The following ZNF438 variants were observed in gnomAD, a reference collection of about 807,000 sequenced individuals.
The protein encoded by ZNF438 is zinc finger protein 438.
Under a neutral mutation model 38.0 loss-of-function variants are expected in ZNF438, and 25 were observed. The ratio of observed to expected loss-of-function variants is 0.66; its 90% CI spans 0.48 to 0.92. ZNF438 has a LOEUF of 0.92. ZNF438 is among the 40% of genes least tolerant of loss of function. The pLI is 0.00. For synonymous variants in ZNF438, 372 were observed against 364.1 expected (o/e 1.02, Z -0.25); for missense variants, 1,007 against 999.6 (o/e 1.01, Z -0.10).
At chr10:30,854,105 G>A (rs1380361060) in intron 4 of ZNF438, among the ~76,000 whole-genome samples, 1 of 152,166 alleles carries the variant, frequency 6.6e-6, no homozygotes, top group Non-Finnish European at 1.5e-5. Flanking sequence ...GGATGACAAG[G>A]TCAGCAGATC....
At chr10:31,011,566 G>A (rs1202491242) in intron 1 of ZNF438, among the ~76,000 whole-genome samples, 1 of 152,194 alleles carries the variant, frequency 6.6e-6, no homozygotes, top group Non-Finnish European at 1.5e-5. Context: ...AAAGGGTGCG[G>A]TATAAGCCAA....
At chr10:30,996,993 G>A (rs1053383673) in intron 1 of ZNF438, among the ~76,000 whole-genome samples, 1 of 152,140 alleles carries the variant, frequency 6.6e-6, no homozygotes, top group Non-Finnish European at 1.5e-5. Flanking sequence ...CTTGAGATTA[G>A]TGAGAACTAA....
At chr10:30,883,338 A>T (rs753079148) in intron 3 of ZNF438, among the ~76,000 whole-genome samples, 4 of 152,048 alleles carry the variant, frequency 2.6e-5, no homozygotes, top group African/African-American at 9.7e-5. Context: ...TTTGGCCCAG[A>T]CCTTCCTTCC....
intron 1 of ZNF438, among the ~76,000 whole-genome samples, chr10:31,000,774 CAA>C (rs200771385): frequency 1.7e-5 from 2 of 115,676 alleles, no homozygotes; most frequent in Non-Finnish European, 1.9e-5. Flanking sequence ...GAAAAGCATG[CAA>C]AAAAAAAAAA....
chr10:31,007,245 T>G (rs543840390), intron 1 of ZNF438, among the ~76,000 whole-genome samples: 6 of 151,742 alleles, frequency 4.0e-5, no homozygotes, highest in African/African-American at 9.7e-5. Context: ...AAGAAATTTG[T>G]GTTGTTTTAA....
chr10:30,997,420 A>G (rs1332624896), intron 1 of ZNF438, among the ~76,000 whole-genome samples: 1 of 152,196 alleles, frequency 6.6e-6, no homozygotes, highest in Admixed American at 6.5e-5. Flanking sequence ...AAGAATGAGA[A>G]GACTGAAAAT....
intron 1 of ZNF438, among the ~76,000 whole-genome samples, chr10:31,020,520 A>G (rs1288610345): frequency 1.3e-5 from 2 of 152,146 alleles, no homozygotes; most frequent in East Asian, 3.8e-4. Context: ...TGGAGCCCCA[A>G]TAGCAAGCAG....
chr10:30,972,109 A>G (rs2050807640), intron 1 of ZNF438, among the ~76,000 whole-genome samples: 1 of 150,504 alleles, frequency 6.6e-6, no homozygotes. Context: ...AGCTGGGACT[A>G]CAGGTGCCCA....
chr10:31,012,488 A>T (rs2055804588), intron 1 of ZNF438, among the ~76,000 whole-genome samples: 1 of 152,184 alleles, frequency 6.6e-6, no homozygotes, highest in African/African-American at 2.4e-5. Flanking sequence ...GTATATGTTT[A>T]TACACATAAT....
chr10:30,889,613 C>T (rs367682983), intron 3 of ZNF438, among the ~76,000 whole-genome samples: 27 of 152,322 alleles, frequency 1.8e-4, no homozygotes, highest in Admixed American at 1.3e-3. Flanking sequence ...ACCATGTTGG[C>T]CAGGCTGGTC....
chr10:30,890,137 A>T (rs2040507403), intron 3 of ZNF438, among the ~76,000 whole-genome samples: 1 of 151,910 alleles, frequency 6.6e-6, no homozygotes, highest in Non-Finnish European at 1.5e-5. Flanking sequence ...ATATACTTAG[A>T]AGTCCAAAAA....
At chr10:30,864,214 A>G (rs1218606626) in intron 4 of ZNF438, among the ~76,000 whole-genome samples, 1 of 152,238 alleles carries the variant, frequency 6.6e-6, no homozygotes, top group South Asian at 2.1e-4. Context: ...GGGGGAAAGG[A>G]GAAGTACTAT....
chr10:30,894,969 T>C (rs1445162817), intron 3 of ZNF438, among the ~76,000 whole-genome samples: 2 of 152,188 alleles, frequency 1.3e-5, no homozygotes, highest in Non-Finnish European at 2.9e-5. Context: ...TTCTCTAAAT[T>C]TGAAAGTTAA....
chr10:30,946,591 TCTTTTA>T (rs1410547220), intron 1 of ZNF438, among the ~76,000 whole-genome samples: 1 of 152,196 alleles, frequency 6.6e-6, no homozygotes, highest in Non-Finnish European at 1.5e-5. Context: ...AACACATGAC[TCTTTTA>T]CTTTTAACCA....
intron 1 of ZNF438, among the ~76,000 whole-genome samples, chr10:30,978,195 C>G (rs187987063): frequency 5.3e-4 from 80 of 152,226 alleles, no homozygotes; most frequent in Non-Finnish European, 7.9e-4. Flanking sequence ...GAAATGTACA[C>G]CAATTCATTC....
chr10:30,861,465 T>C (rs2035569136), intron 4 of ZNF438, among the ~76,000 whole-genome samples: 1 of 152,140 alleles, frequency 6.6e-6, no homozygotes, highest in Non-Finnish European at 1.5e-5. Flanking sequence ...AAGCATTCTT[T>C]GTGAAAGAAT....
intron 1 of ZNF438, among the ~76,000 whole-genome samples, chr10:30,970,510 G>A (rs2050626556): frequency 6.6e-6 from 1 of 152,150 alleles, no homozygotes; most frequent in African/African-American, 2.4e-5. Flanking sequence ...AAGCAGCAGA[G>A]CTCAGACTTA....
chr10:30,849,963 T>C (rs766829812), exon 5 of ZNF438: 6 of 1,614,170 alleles, frequency 3.7e-6, no homozygotes, highest in Admixed American at 3.3e-5. Context: ...GCAGGAGCTT[T>C]GCTACAGCCA....
At chr10:30,963,725 AC>A (rs2049801563) in intron 1 of ZNF438, among the ~76,000 whole-genome samples, 1 of 152,068 alleles carries the variant, frequency 6.6e-6, no homozygotes, top group Non-Finnish European at 1.5e-5. Context: ...ACTAAAAACT[AC>A]AAAAATTAGC....
Sources: gnomAD v4.1 joint callset for allele counts (sites outside exome capture counted in the v4.1 genomes callset) on GRCh38, gnomAD v4.1.1 for gene constraint, MANE v1.5 for transcripts, NCBI Gene and HGNC (gene_info 2026-07-23, HGNC 2026-07-21) for gene names.